Variants in RUVBL2 observed in about 807,000 individuals in gnomAD.
RUVBL2 encodes the protein RuvB like AAA ATPase 2.
A neutral mutation model predicts 57.9 loss-of-function variants in RUVBL2; 9 were observed. The observed-to-expected ratio is 0.16, with a 90% confidence interval of 0.09 to 0.27. The LOEUF is 0.27. Among genes scored for constraint, RUVBL2 ranks in the 10% least tolerant of loss-of-function variants. RUVBL2 has a pLI of 1.00. For synonymous variants in RUVBL2, 278 were observed against 264.6 expected (o/e 1.05, Z -0.49); for missense variants, 456 against 669.6 (o/e 0.68, Z 3.52).
intron 5 of RUVBL2, 33 bp downstream of exon 5, chr19:49,007,180 C>T: frequency 6.2e-7 from 1 of 1,612,488 alleles, no homozygotes; most frequent in Non-Finnish European, 8.5e-7. Context: ...GTGCCAGACC[C>T]CAGAGCCTGG....
In RUVBL2 at chr19:49,004,260, G is replaced by A. The variant is rs80306710; in HGVS notation, c.124-17G>A. On this transcript the variant is annotated splice_polypyrimidine_tract_variant and intron_variant, in intron 3 of 14. Coordinates refer to ENST00000595090, the MANE Select transcript of RUVBL2 (RefSeq NM_006666.3). ...AGCCCCACAGGAAATCACCTCATGT[G>A]CGCCTCCCACCCACAGGCTTCGCAA... is the stretch of plus-strand genomic sequence containing the variant. 304 of 1,608,944 alleles carry A rather than the reference G, an allele frequency of 1.9e-4. 1 individual carries two copies. The East Asian group carries it at 6.3e-3, about 33-fold the overall frequency.
upstream of RUVBL2, chr19:48,993,678 AAGG>A (rs2038991003): frequency 1.7e-6 from 1 of 603,912 alleles, no homozygotes; most frequent in Non-Finnish European, 2.9e-6. Flanking sequence ...GGCTGAGCAA[AAGG>A]AGGAGGAGCC....
rs367965409 is a variant in RUVBL2, at chr19:49,015,008, C to A, written c.1122-13C>A. The A allele has an allele frequency of 1.7e-4, 269 of 1,588,734 alleles. 1 individual carries two copies. Among genetic ancestry groups the A allele is most frequent in the Middle Eastern group, 8.4e-4 (5 of 5,922 alleles). ...GCCCCGGCTGAGCCACCCCTGTCCC[C>A]CACTGCTTGCAGGTGCGAGGAAGAA... On this transcript the variant is annotated splice_polypyrimidine_tract_variant and intron_variant, in intron 12 of 14. Coordinates refer to ENST00000595090, the MANE Select transcript of RUVBL2 (RefSeq NM_006666.3).
chr19:49,010,878 C>T, intron 9 of RUVBL2, 121 bp from the exon 10 acceptor site: 1 of 960,380 alleles, frequency 1.0e-6, no homozygotes, highest in Non-Finnish European at 1.6e-6. Context: ...GGCTCCTCAT[C>T]CCTCCTTGCT....
At chr19:49,012,970 C>G (rs1338324841) in intron 11 of RUVBL2, among the ~76,000 whole-genome samples, 1 of 151,946 alleles carries the variant, frequency 6.6e-6, no homozygotes, top group Non-Finnish European at 1.5e-5. Flanking sequence ...TAGCTAATTT[C>G]TGTTTTTGTT....
intron 12 of RUVBL2, among the ~76,000 whole-genome samples, 181 bp from the exon 13 acceptor site, chr19:49,014,840 C>T (rs999133073): frequency 5.9e-5 from 9 of 152,266 alleles, no homozygotes; most frequent in African/African-American, 1.4e-4. Context: ...CAGGAGGCCT[C>T]GGTTTTAGGT....
chr19:49,012,119 C>T (rs1260178548), intron 11 of RUVBL2, among the ~76,000 whole-genome samples: 1 of 152,178 alleles, frequency 6.6e-6, no homozygotes, highest in Non-Finnish European at 1.5e-5. Context: ...ACTGCTTGGG[C>T]TCAGTGCTGT....
intron 2 of RUVBL2, among the ~76,000 whole-genome samples, chr19:49,002,362 T>C (rs771830748): frequency 6.6e-6 from 1 of 151,950 alleles, no homozygotes; most frequent in Non-Finnish European, 1.5e-5. Flanking sequence ...AATAAAATTT[T>C]ATTTGCAAAA....
chr19:48,994,813 CAG>C (rs2039021785), intron 1 of RUVBL2: 1 of 152,098 alleles, frequency 6.6e-6, no homozygotes, highest in Non-Finnish European at 1.5e-5. Context: ...CCCAGCTACT[CAG>C]AAGGCTGAGG....
At chr19:49,009,344 A>T (rs942648847) in intron 6 of RUVBL2, among the ~76,000 whole-genome samples, 2 of 147,014 alleles carry the variant, frequency 1.4e-5, no homozygotes, top group African/African-American at 5.0e-5. Flanking sequence ...AAAATTAGCC[A>T]TGCGTGGTGG....
At position 49,010,025 on chromosome 19, in the gene RUVBL2, T is replaced by C; in HGVS notation, c.622T>C (p.Ser208Pro). The C allele has an allele frequency of 6.3e-7, 1 of 1,592,326 alleles. No individual in the cohort carries two copies. Among genetic ancestry groups the C allele is most frequent in the South Asian group, 1.1e-5 (1 of 88,208 alleles). ...ATGKISKLGR[S>P]FTRARDYDAM... is the part of the protein sequence containing the mutation. ...GGGCAAGATCTCCAAGCTGGGCCGCTCCTTCACACGCGCCCGCGACTACGA... is the reference window on the plus strand; with the variant it reads ...GGGCAAGATCTCCAAGCTGGGCCGCCCCTTCACACGCGCCCGCGACTACGA... The change falls in exon 8 of 15, where the codon TCC becomes CCC. Residue 208 changes from serine (S) to proline (P), a missense_variant. By Grantham distance (74) the Ser-to-Pro change is moderately conservative. Around this residue, in one of 5 missense-constraint regions of RUVBL2, gnomAD observed 233 missense variants for 306.0 expected, o/e 0.76. Transcript: ENST00000595090.
chr19:49,006,897 A>C (rs1445436285), intron 4 of RUVBL2, 121 bp from the exon 5 acceptor site: 1 of 1,315,428 alleles, frequency 7.6e-7, no homozygotes, highest in African/African-American at 1.5e-5. Context: ...CCAAGTCCTT[A>C]CATGTAGGAT....
At chr19:49,002,452 CTGGCTGTG>C (rs2039203451) in intron 2 of RUVBL2, among the ~76,000 whole-genome samples, 1 of 152,190 alleles carries the variant, frequency 6.6e-6, no homozygotes, top group Non-Finnish European at 1.5e-5. Flanking sequence ...TCCCCTCTCG[CTGGCTGTG>C]TGGCTGGGGC....
intron 9 of RUVBL2, 149 bp downstream of exon 9, chr19:49,010,760 C>G: frequency 2.6e-6 from 3 of 1,168,806 alleles, no homozygotes. Context: ...TGTTCTCCAC[C>G]TGCAAGTCCG....
At position 49,015,892 on chromosome 19, in the gene RUVBL2, A is replaced by G. The variant is rs373012966; in HGVS notation, c.*50A>G. ...CCCTGTTTTCCACCAGAGTTCTGAC[A>G]CTGTGACTCTGTATAAAATGGTTGG... On this transcript the variant is annotated 3_prime_UTR_variant, in exon 15 of 15. Coordinates refer to ENST00000595090, the MANE Select transcript of RUVBL2 (RefSeq NM_006666.3). 108 of 1,613,808 alleles carry G rather than the reference A, an allele frequency of 6.7e-5. No individual in the cohort carries two copies. The highest frequency in any genetic ancestry group is 9.0e-5 in the Non-Finnish European group (106 of 1,179,796).
chr19:49,001,309 C>T (rs1305057017), intron 2 of RUVBL2: 2 of 151,176 alleles, frequency 1.3e-5, no homozygotes, highest in African/African-American at 4.9e-5. Context: ...CTACAGGCGC[C>T]CGCCACCATG....
At position 49,010,042 on chromosome 19, in the gene RUVBL2, C is replaced by T. The variant is rs145890647; in HGVS notation, c.639C>T (p.Arg213=). ...TGGGCCGCTCCTTCACACGCGCCCG[C>T]GACTACGACGCTATGGGCTCCCAGG... ...SKLGRSFTRA[R]DYDAMGSQTK... is the part of the protein sequence containing the mutation. Residue 213 remains arginine (R), a synonymous_variant, in exon 8 of 15, where the codon CGC becomes CGT. Transcript: ENST00000595090. The T allele has an allele frequency of 1.2e-3, 1,844 of 1,597,190 alleles. 30 individuals are homozygous for T. In the African/African-American group the frequency reaches 0.022, roughly 19 times the overall value.
chr19:48,998,551 CA>C (rs1217686136), intron 1 of RUVBL2, among the ~76,000 whole-genome samples: 2 of 150,970 alleles, frequency 1.3e-5, no homozygotes, highest in African/African-American at 4.9e-5. Flanking sequence ...ATTAAAAATA[CA>C]AAAAAAATTA....
intron 2 of RUVBL2, among the ~76,000 whole-genome samples, chr19:48,999,606 T>C (rs1241392394): frequency 6.6e-6 from 1 of 151,910 alleles, no homozygotes; most frequent in Admixed American, 6.6e-5. Flanking sequence ...CCTGGTGGGG[T>C]TCCCGGGTAT....
Sources: gnomAD v4.1 joint callset for allele counts (sites outside exome capture counted in the v4.1 genomes callset) on GRCh38, gnomAD v4.1.1 for gene constraint, gnomAD v4.1.1 regional missense constraint, MANE v1.5 for transcripts, NCBI Gene and HGNC (gene_info 2026-07-23, HGNC 2026-07-21) for gene names.